The following TDRD3 variants were observed in gnomAD, a reference collection of about 807,000 sequenced individuals.
TDRD3 encodes tudor domain containing 3.
In TDRD3, 45 loss-of-function variants were observed where a neutral mutation model predicts 86.7. The ratio of observed to expected loss-of-function variants is 0.52; its 90% CI spans 0.41 to 0.67. TDRD3 has a LOEUF of 0.67. TDRD3 is among the 30% of genes least tolerant of loss of function. TDRD3 has a pLI of 0.00. For synonymous variants in TDRD3, 298 were observed against 301.7 expected, an observed-to-expected ratio of 0.99 and a Z score of 0.13; for missense variants, 814 against 889.0, an observed-to-expected ratio of 0.92 and a Z score of 1.07.
chr13:60,559,399 T>G (rs1566304934), intron 12 of TDRD3, among the ~76,000 whole-genome samples: 1 of 152,138 alleles, frequency 6.6e-6, no homozygotes, highest in Non-Finnish European at 1.5e-5. Context: ...AACAGAAATA[T>G]GTTCCCTACT....
At chr13:60,541,406 A>T (rs1957806190) in intron 12 of TDRD3, among the ~76,000 whole-genome samples, 1 of 152,002 alleles carries the variant, frequency 6.6e-6, no homozygotes, top group Non-Finnish European at 1.5e-5. Context: ...ACCTCAGGTG[A>T]TCCGCCTGCT....
At chr13:60,436,307 T>A (rs1347558503) in intron 1 of TDRD3, among the ~76,000 whole-genome samples, 1 of 152,128 alleles carries the variant, frequency 6.6e-6, no homozygotes, top group Non-Finnish European at 1.5e-5. Context: ...GTTTTTGGGG[T>A]CTTAGTCATG....
rs184115361 is a variant in TDRD3 at position 60,542,929 on chromosome 13, G to A, written c.2118+7696G>A. ...TACTGGACCTGTGCTGTTTATTCTAGCATCGTGTATAATGGGTTTCACTGT... is the reference window on the plus strand; with the variant it reads ...TACTGGACCTGTGCTGTTTATTCTAACATCGTGTATAATGGGTTTCACTGT... On this transcript the variant is annotated intron_variant, in intron 12 of 13. Coordinates refer to ENST00000377881, the MANE Select transcript of TDRD3 (RefSeq NM_001146070.2). Among the ~76,000 whole-genome samples the A allele has an allele frequency of 4.1e-4, 63 of 152,174 alleles. 1 individual carries two copies. The Middle Eastern group carries it at 0.014, about 33-fold the overall frequency.
chr13:60,493,255 T>C (rs1172227890), intron 7 of TDRD3, among the ~76,000 whole-genome samples: 1 of 152,150 alleles, frequency 6.6e-6, no homozygotes, highest in African/African-American at 2.4e-5. Context: ...TATATATAAT[T>C]TATATGTAAG....
intron 3 of TDRD3, among the ~76,000 whole-genome samples, chr13:60,454,304 A>G (rs1226179996): frequency 2.0e-5 from 3 of 152,134 alleles, no homozygotes; most frequent in Non-Finnish European, 2.9e-5. Context: ...AAAGTTTTGT[A>G]TAAATTTTCT....
At chr13:60,565,222 A>C (rs995209556) in intron 12 of TDRD3, among the ~76,000 whole-genome samples, 3 of 149,694 alleles carry the variant, frequency 2.0e-5, no homozygotes, top group Admixed American at 6.6e-5. Context: ...CGCCCGGCTA[A>C]TTTTTTGTAT....
chr13:60,543,094 C>T (rs1486047046), intron 12 of TDRD3, among the ~76,000 whole-genome samples: 2 of 152,114 alleles, frequency 1.3e-5, no homozygotes, highest in Non-Finnish European at 2.9e-5. Context: ...TTTTAGTAGC[C>T]TGTCATTGGC....
chr13:60,477,611 C>T lies in TDRD3; in HGVS notation c.496-6164C>T, dbSNP rs118085874. On this transcript the variant is annotated intron_variant, in intron 5 of 13. Coordinates refer to ENST00000377881, the MANE Select transcript of TDRD3 (RefSeq NM_001146070.2). ...TGTTGAATTTTATTGAAGGCCTTTT[C>T]TGCATCTATTAAGATGATTATGTAG... Among the ~76,000 whole-genome samples the T allele has an allele frequency of 5.0e-3, 756 of 152,228 alleles. 3 individuals are homozygous for T. Among genetic ancestry groups the T allele is most frequent in the Middle Eastern group, 0.024 (7 of 294 alleles).
chr13:60,475,889 T>G (rs796760057), intron 5 of TDRD3, among the ~76,000 whole-genome samples: 27 of 152,222 alleles, frequency 1.8e-4, no homozygotes, highest in African/African-American at 6.0e-4. Context: ...TTAATGAGGT[T>G]GTTTTTTGCT....
At chr13:60,399,306 C>G (rs180982824) in intron 1 of TDRD3, among the ~76,000 whole-genome samples, 29 of 152,332 alleles carry the variant, frequency 1.9e-4, no homozygotes, top group African/African-American at 6.7e-4. Flanking sequence ...TATATTGTAG[C>G]ATTTGCTACT....
intron 3 of TDRD3, among the ~76,000 whole-genome samples, chr13:60,456,730 G>A (rs1677501762): frequency 6.6e-6 from 1 of 152,054 alleles, no homozygotes; most frequent in Non-Finnish European, 1.5e-5. Context: ...GTGTGTATGT[G>A]TGTCACCTGG....
intron 3 of TDRD3, among the ~76,000 whole-genome samples, chr13:60,445,602 C>G (rs1955379572): frequency 6.6e-6 from 1 of 152,180 alleles, no homozygotes; most frequent in Non-Finnish European, 1.5e-5. Context: ...CAAACAACCT[C>G]TACTCCCATC....
chr13:60,561,228 A>T (rs1326908830), intron 12 of TDRD3, among the ~76,000 whole-genome samples: 2 of 152,142 alleles, frequency 1.3e-5, no homozygotes, highest in East Asian at 3.8e-4. Context: ...ATAAAATGAG[A>T]CATTTAATTT....
chr13:60,474,945 G>C (rs956088687), intron 5 of TDRD3, among the ~76,000 whole-genome samples: 5 of 151,632 alleles, frequency 3.3e-5, no homozygotes, highest in African/African-American at 1.2e-4. Context: ...TACATTGAAA[G>C]ATTTTTTAAA....
intron 10 of TDRD3, among the ~76,000 whole-genome samples, chr13:60,513,842 CT>C (rs1304633398): frequency 2.3e-4 from 35 of 152,256 alleles, no homozygotes; most frequent in African/African-American, 8.2e-4. Context: ...ACTCTTTTTC[CT>C]GTATAAATTA....
chr13:60,442,308 A>G (rs1360965468), intron 2 of TDRD3, among the ~76,000 whole-genome samples: 3 of 152,118 alleles, frequency 2.0e-5, no homozygotes, highest in Admixed American at 2.0e-4. Flanking sequence ...AAGATTTTGT[A>G]TAATATAAAA....
At chr13:60,435,408 C>A (rs1323063994) in intron 1 of TDRD3, among the ~76,000 whole-genome samples, 1 of 152,070 alleles carries the variant, frequency 6.6e-6, no homozygotes, top group African/African-American at 2.4e-5. Context: ...AGTCTTTTAT[C>A]CCTCACCCTC....
At chr13:60,567,704 T>G (rs892503022) in intron 13 of TDRD3, 54 bp downstream of exon 13, 1 of 1,592,980 alleles carries the variant, frequency 6.3e-7, no homozygotes, top group African/African-American at 1.4e-5. Context: ...AAATTCATGT[T>G]AAGCATATAA....
At chr13:60,531,246 T>G (rs1279462099) in intron 11 of TDRD3, among the ~76,000 whole-genome samples, 1 of 152,238 alleles carries the variant, frequency 6.6e-6, no homozygotes, top group Non-Finnish European at 1.5e-5. Context: ...GAAAAGCAGA[T>G]GCAGGTGGTC....
Sources: gnomAD v4.1 joint callset for allele counts (sites outside exome capture counted in the v4.1 genomes callset) on GRCh38, gnomAD v4.1.1 for gene constraint, MANE v1.5 for transcripts, NCBI Gene and HGNC (gene_info 2026-07-23, HGNC 2026-07-21) for gene names.